KIAA1328: variants seen among roughly 807,000 people sequenced by gnomAD.
KIAA1328 encodes the protein KIAA1328.
KIAA1328 carries 52 observed loss-of-function variants against 68.1 expected under a neutral mutation model. The observed-to-expected ratio is 0.76, with a 90% CI of 0.61 to 0.96. The LOEUF is 0.96. KIAA1328 is among the 40% of genes least tolerant of loss of function. The pLI, the probability that KIAA1328 is intolerant of heterozygous loss-of-function variation, is 0.00. For missense variants in KIAA1328, 641 were observed against 677.6 expected (o/e 0.95, Z 0.60); for synonymous variants, 232 against 239.4 (o/e 0.97, Z 0.28).
intron 4 of KIAA1328, among the ~76,000 whole-genome samples, chr18:36,875,079 T>C (rs1454766937): frequency 6.6e-6 from 1 of 152,234 alleles, no homozygotes; most frequent in African/African-American, 2.4e-5. Flanking sequence ...TGTAGCCTTG[T>C]AGTATAGTTT....
intron 5 of KIAA1328, among the ~76,000 whole-genome samples, chr18:36,950,994 C>T (rs72888926): frequency 0.14 from 20,716 of 152,268 alleles, 1,755 homozygotes; most frequent in Admixed American, 0.18. Context: ...CTTCTCAACT[C>T]AGTCTTTAAC....
At chr18:37,108,657 C>T (rs2057841726) in intron 7 of KIAA1328, among the ~76,000 whole-genome samples, 1 of 152,184 alleles carries the variant, frequency 6.6e-6, no homozygotes, top group Non-Finnish European at 1.5e-5. Context: ...TACCTGTTCT[C>T]TCCATGCCTT....
intron 6 of KIAA1328, among the ~76,000 whole-genome samples, chr18:36,973,344 G>A (rs1158631665): frequency 6.6e-6 from 1 of 151,930 alleles, no homozygotes; most frequent in Admixed American, 6.6e-5. Flanking sequence ...GGAGGGGCGA[G>A]GGATAGCATT....
chr18:36,975,098 T>A (rs1226446312), intron 6 of KIAA1328, among the ~76,000 whole-genome samples: 2 of 152,176 alleles, frequency 1.3e-5, no homozygotes, highest in African/African-American at 4.8e-5. Context: ...TTTGATATTA[T>A]GTTGATATCA....
At chr18:36,881,124 G>T (rs2048315452) in intron 4 of KIAA1328, among the ~76,000 whole-genome samples, 1 of 147,610 alleles carries the variant, frequency 6.8e-6, no homozygotes, top group Admixed American at 6.6e-5. Flanking sequence ...GTAAGTATTA[G>T]AAAGTTAACT....
At chr18:37,108,317 T>C (rs1201038722) in intron 7 of KIAA1328, among the ~76,000 whole-genome samples, 3 of 151,990 alleles carry the variant, frequency 2.0e-5, no homozygotes, top group Admixed American at 6.6e-5. Flanking sequence ...GAGCTAAGCA[T>C]TGAGCACACA....
At chr18:37,170,145 C>T (rs941858010) in intron 8 of KIAA1328, among the ~76,000 whole-genome samples, 4 of 152,268 alleles carry the variant, frequency 2.6e-5, no homozygotes, top group Admixed American at 2.0e-4. Context: ...ATCTGTTCCA[C>T]TCTATTCTAA....
At chr18:36,928,129 A>T (rs535695861) in intron 5 of KIAA1328, among the ~76,000 whole-genome samples, 1 of 152,006 alleles carries the variant, frequency 6.6e-6, no homozygotes, top group Non-Finnish European at 1.5e-5. Context: ...TATTTTTTTT[A>T]TATCAGTGTT....
At chr18:36,841,282 C>G (rs1489222025) in intron 3 of KIAA1328, among the ~76,000 whole-genome samples, 1 of 151,868 alleles carries the variant, frequency 6.6e-6, no homozygotes, top group Non-Finnish European at 1.5e-5. Flanking sequence ...GTTAAGCCTA[C>G]TATTCATCAG....
At chr18:36,897,705 A>C (rs551311113) in intron 5 of KIAA1328, among the ~76,000 whole-genome samples, 1 of 152,218 alleles carries the variant, frequency 6.6e-6, no homozygotes, top group African/African-American at 2.4e-5. Flanking sequence ...GACAGGCTAA[A>C]ACCACAAGGA....
intron 9 of KIAA1328, among the ~76,000 whole-genome samples, chr18:37,187,989 T>C (rs898660007): frequency 2.0e-5 from 3 of 152,186 alleles, no homozygotes; most frequent in Non-Finnish European, 4.4e-5. Flanking sequence ...ATAAATGAGC[T>C]CCTTGGTATA....
intron 2 of KIAA1328, among the ~76,000 whole-genome samples, chr18:36,835,006 TA>T (rs2046624438): frequency 6.6e-6 from 1 of 152,118 alleles, no homozygotes; most frequent in East Asian, 1.9e-4. Context: ...CCTGTCTCTT[TA>T]AAAAAATAAA....
chr18:37,074,351 A>G (rs971713164), intron 7 of KIAA1328, among the ~76,000 whole-genome samples: 3 of 152,098 alleles, frequency 2.0e-5, no homozygotes, highest in African/African-American at 7.2e-5. Flanking sequence ...TGTTTGTTTC[A>G]AGTATAATGT....
intron 5 of KIAA1328, among the ~76,000 whole-genome samples, chr18:36,891,468 C>T (rs1264125460): frequency 6.6e-6 from 1 of 152,130 alleles, no homozygotes; most frequent in African/African-American, 2.4e-5. Flanking sequence ...CACTCTTCCC[C>T]CCTCTGCTGA....
intron 5 of KIAA1328, among the ~76,000 whole-genome samples, chr18:36,896,767 T>C (rs1374780183): frequency 6.6e-6 from 1 of 152,174 alleles, no homozygotes; most frequent in Non-Finnish European, 1.5e-5. Flanking sequence ...TTCAGGGTAT[T>C]ATTTAGGATT....
intron 5 of KIAA1328, among the ~76,000 whole-genome samples, chr18:36,890,807 T>C (rs928717748): frequency 2.6e-5 from 4 of 152,102 alleles, no homozygotes; most frequent in African/African-American, 9.7e-5. Context: ...AAAAATGATA[T>C]CAGATATTCT....
At chr18:37,075,187 TAAAGA>T (rs2056676795) in intron 7 of KIAA1328, 1 of 151,242 alleles carries the variant, frequency 6.6e-6, no homozygotes, top group African/African-American at 2.4e-5. Context: ...TCAACATTCT[TAAAGA>T]AAAGAATTTT....
intron 6 of KIAA1328, among the ~76,000 whole-genome samples, chr18:37,001,985 G>C (rs1205223800): frequency 6.6e-6 from 1 of 152,078 alleles, no homozygotes; most frequent in Admixed American, 6.6e-5. Flanking sequence ...ATTCAAAGTT[G>C]TACTGGAAGT....
Position 36,960,189 on chromosome 18 carries a change from C to T in KIAA1328, c.576+754C>T, listed in dbSNP as rs565730531. Among the ~76,000 whole-genome samples the T allele has an allele frequency of 5.3e-5, 8 of 152,320 alleles. No individual in the cohort carries two copies. In the East Asian group the frequency reaches 5.8e-4, roughly 11 times the overall value. On this transcript the variant is annotated intron_variant, in intron 6 of 9. Coordinates refer to ENST00000280020, the MANE Select transcript of KIAA1328 (RefSeq NM_020776.3). ...TCTGGCTGGGTGGGTGTCATGCCCA[C>T]GGAGCCTTGCTCACTGCTAACGCAG... is the stretch of plus-strand genomic sequence containing the variant.
Sources: allele counts gnomAD v4.1 joint callset (sites outside exome capture counted in the v4.1 genomes callset), GRCh38; gene constraint gnomAD v4.1.1; transcripts MANE v1.5; gene names NCBI Gene and HGNC (gene_info 2026-07-23, HGNC 2026-07-21).